OTOP1: variants seen among roughly 807,000 people sequenced by gnomAD.
OTOP1 encodes otopetrin 1.
Under a neutral mutation model 52.9 loss-of-function variants are expected in OTOP1, and 59 were observed. The observed-to-expected ratio is 1.12, with a 90% confidence interval of 0.91 to 1.39. OTOP1 has a LOEUF of 1.39. Among genes scored for constraint, OTOP1 ranks in the 40% most tolerant of loss-of-function variants. The pLI is 0.00. For missense variants in OTOP1, 761 were observed against 800.9 expected, an observed-to-expected ratio of 0.95 and a Z score of 0.60; for synonymous variants, 317 against 337.7, an observed-to-expected ratio of 0.94 and a Z score of 0.67.
Position 4,197,470 on chromosome 4 carries a change from G to T in OTOP1, c.1364C>A (p.Ser455Tyr). 6.2e-7 allele frequency: 1 copy of T among 1,614,118 alleles called. No individual in the cohort carries two copies. The highest frequency in any genetic ancestry group is 1.3e-5 in the African/African-American group (1 of 75,028). The stretch of plus-strand genomic sequence containing the variant: ...CACCCGAAGGGTTTGGATGTCCTCA[G>T]AGAGTTTTTCAGGCTCTCGGTGAAT... Reference protein sequence around the residue: ...ESIHREPEKLSEDIQTLRVVT... With the variant: ...ESIHREPEKLYEDIQTLRVVT... Residue 455 changes from serine to tyrosine, a missense_variant, in exon 5 of 6, where the codon TCT (serine) becomes TAT (tyrosine). Ser to Tyr is a moderately radical substitution (Grantham distance 144). Transcript: ENST00000296358.
At chr4:4,205,865 C>A (rs1380897980) in intron 3 of OTOP1, among the ~76,000 whole-genome samples, 1 of 152,128 alleles carries the variant, frequency 6.6e-6, no homozygotes, top group Non-Finnish European at 1.5e-5. Flanking sequence ...AAAATTCAAG[C>A]CCACCCCATG....
intron 1 of OTOP1, among the ~76,000 whole-genome samples, chr4:4,214,867 G>A (rs905358993): frequency 6.6e-6 from 1 of 152,182 alleles, no homozygotes; most frequent in Non-Finnish European, 1.5e-5. Context: ...AGTTCTGGAG[G>A]TTGGTTGCAC....
chr4:4,213,100 T>G, intron 1 of OTOP1, 96 bp from the exon 2 acceptor site: 2 of 1,424,522 alleles, frequency 1.4e-6, no homozygotes, highest in Non-Finnish European at 1.9e-6. Context: ...ATTAAACCCT[T>G]ATGTATATGG....
In OTOP1 at chr4:4,188,882, A is replaced by G; in HGVS notation, c.1760T>C (p.Val587Ala). 6.2e-7 allele frequency: 1 copy of G among 1,613,950 alleles called. No individual in the cohort carries two copies. Among genetic ancestry groups the G allele is most frequent in the Non-Finnish European group, 8.5e-7 (1 of 1,179,830 alleles). ...AATAGAAAAAGGCATGGCCAGGTTG[A>G]CCACAATTATCCAGGGTTCAAAGCC... ...VFGFEPWIIV[V>A]NLAMPFSIFY... Residue 587 changes from valine to alanine, a missense_variant, in exon 6 of 6, where the codon GTC (valine) becomes GCC (alanine). This residue lies in a region of OTOP1 where 632 missense variants were observed against 619.5 expected (regional missense o/e 1.02). Coordinates refer to ENST00000296358, the MANE Select transcript of OTOP1 (RefSeq NM_177998.3).
At chr4:4,196,242 G>A (rs1324544847) in intron 5 of OTOP1, among the ~76,000 whole-genome samples, 1 of 151,640 alleles carries the variant, frequency 6.6e-6, no homozygotes, top group East Asian at 1.9e-4. Context: ...AGCACAGTGA[G>A]AACCTATCTC....
intron 1 of OTOP1, among the ~76,000 whole-genome samples, chr4:4,217,164 T>C (rs1012612769): frequency 1.3e-5 from 2 of 152,226 alleles, no homozygotes; most frequent in African/African-American, 4.8e-5. Flanking sequence ...CATCCATTCA[T>C]CCAGGGATTC....
chr4:4,197,447 C>T lies in OTOP1; in HGVS notation c.1387G>A (p.Val463Met), dbSNP rs1437812580. 1.9e-6 allele frequency: 3 copies of T among 1,613,924 alleles called. No homozygotes were observed. The highest frequency in any genetic ancestry group is 8.5e-7 in the Non-Finnish European group (1 of 1,180,020). The change falls in exon 5 of 6, where the codon GTG (valine) becomes ATG (methionine). Residue 463 changes from valine to methionine, a missense_variant. By Grantham distance (21) the Val-to-Met change is conservative. Coordinates refer to ENST00000296358, the MANE Select transcript of OTOP1 (RefSeq NM_177998.3). ...KLSEDIQTLR[V>M]VTVCNGNTMP... ...GTGTTGCCATTGCAGACTGTGACCA[C>T]CCGAAGGGTTTGGATGTCCTCAGAG...
intron 3 of OTOP1, among the ~76,000 whole-genome samples, chr4:4,205,845 A>T (rs1441283657): frequency 6.6e-6 from 1 of 152,220 alleles, no homozygotes; most frequent in Admixed American, 6.5e-5. Flanking sequence ...TAAGATGCAG[A>T]TTCGGCTTCA....
At chr4:4,215,883 T>G (rs1025195159) in intron 1 of OTOP1, among the ~76,000 whole-genome samples, 9 of 152,232 alleles carry the variant, frequency 5.9e-5, no homozygotes, top group African/African-American at 1.9e-4. Context: ...AACTTCCACC[T>G]CCTGGGTTCA....
At chr4:4,202,607 G>A in intron 3 of OTOP1, 29 bp from the exon 4 acceptor site, 1 of 1,611,510 alleles carries the variant, frequency 6.2e-7, no homozygotes, top group East Asian at 2.2e-5. Flanking sequence ...CAGTTCTCAA[G>A]CAGCCCTGGG....
chr4:4,194,720 A>G (rs1716584116), intron 5 of OTOP1, among the ~76,000 whole-genome samples: 1 of 152,214 alleles, frequency 6.6e-6, no homozygotes, highest in Non-Finnish European at 1.5e-5. Context: ...CTGGTAGCAA[A>G]GAGCTGACTT....
At chr4:4,211,450 G>GA (rs1717024028) in intron 2 of OTOP1, among the ~76,000 whole-genome samples, 2 of 152,218 alleles carry the variant, frequency 1.3e-5, no homozygotes, top group African/African-American at 2.4e-5. Context: ...TTCTTCGTTA[G>GA]AAAAAAATGA....
At chr4:4,204,802 C>T (rs1244375667) in intron 3 of OTOP1, among the ~76,000 whole-genome samples, 4 of 151,920 alleles carry the variant, frequency 2.6e-5, no homozygotes, top group Non-Finnish European at 5.9e-5. Context: ...GATGGAATCT[C>T]GCTCTGTTGC....
intron 2 of OTOP1, 114 bp downstream of exon 2, chr4:4,212,754 C>G: frequency 8.3e-7 from 1 of 1,201,268 alleles, no homozygotes; most frequent in Non-Finnish European, 1.2e-6. Flanking sequence ...CACTGCAGTT[C>G]ACAGCTGTGC....
chr4:4,219,019 T>A (rs1006606473), intron 1 of OTOP1, among the ~76,000 whole-genome samples: 1 of 151,554 alleles, frequency 6.6e-6, no homozygotes, highest in African/African-American at 2.4e-5. Context: ...TCACAATAAA[T>A]TTTTCAAATG....
At chr4:4,222,077 G>A (rs1267446157) in intron 1 of OTOP1, among the ~76,000 whole-genome samples, 1 of 152,088 alleles carries the variant, frequency 6.6e-6, no homozygotes, top group Non-Finnish European at 1.5e-5. Flanking sequence ...TAGTAGACAC[G>A]AATTGGCATT....
rs151007916 is a variant in OTOP1 at position 4,197,575 on chromosome 4, C to A, written c.1259G>T (p.Arg420Leu). 18 of 1,613,866 alleles carry A rather than the reference C, an allele frequency of 1.1e-5. No individual in the cohort carries two copies. Among genetic ancestry groups the A allele is most frequent in the Non-Finnish European group, 1.5e-5 (18 of 1,179,986 alleles). Residue 420 changes from arginine (R) to leucine (L), a missense_variant, in exon 5 of 6, where the codon CGC (arginine) becomes CTC (leucine). Coordinates refer to ENST00000296358, the MANE Select transcript of OTOP1 (RefSeq NM_177998.3). ...LAILCAEGHP[R>L]YTWYNLPYSI... ...GTAGGGCAGGTTGTACCAGGTGTAG[C>A]GGGGGTGGCCCTCAGCACAGAGGAT...
chr4:4,203,533 T>C (rs905246998), intron 3 of OTOP1, among the ~76,000 whole-genome samples: 13 of 152,236 alleles, frequency 8.5e-5, no homozygotes, highest in African/African-American at 2.9e-4. Flanking sequence ...AGGCAGAAGA[T>C]AGAAAAGAGA....
At chr4:4,219,770 T>A (rs1393278442) in intron 1 of OTOP1, among the ~76,000 whole-genome samples, 1 of 149,876 alleles carries the variant, frequency 6.7e-6, no homozygotes, top group Non-Finnish European at 1.5e-5. Context: ...CAGTTTTTGC[T>A]TTATATATAT....
Sources: allele counts gnomAD v4.1 joint callset (sites outside exome capture counted in the v4.1 genomes callset), GRCh38; gene constraint gnomAD v4.1.1; regional missense constraint gnomAD v4.1.1; transcripts MANE v1.5; gene names NCBI Gene and HGNC (gene_info 2026-07-23, HGNC 2026-07-21).